The following BRD8 variants were observed in gnomAD, a reference collection of about 807,000 sequenced individuals.
BRD8 encodes the protein bromodomain-containing protein 8.
A neutral mutation model predicts 143.1 loss-of-function variants in BRD8; 67 were observed. That is an observed-to-expected ratio of 0.47 (90% CI 0.38 to 0.57). BRD8 has a LOEUF of 0.57. Among genes scored for constraint, BRD8 ranks in the 20% least tolerant of loss-of-function variants. The probability of loss-of-function intolerance (pLI) is 0.00; values close to 1 mark genes in which losing one functional copy is unlikely to be tolerated. For synonymous variants in BRD8, 505 were observed against 517.1 expected, an observed-to-expected ratio of 0.98 and a Z score of 0.32; for missense variants, 1,103 against 1,503.0, an observed-to-expected ratio of 0.73 and a Z score of 4.40.
At chr5:138,160,845 T>A (rs552585757) in intron 18 of BRD8, 46 bp downstream of exon 18, 1 of 1,507,626 alleles carries the variant, frequency 6.6e-7, no homozygotes, top group African/African-American at 1.4e-5. Flanking sequence ...CCCCTTGAAG[T>A]ATTTTAATTT....
intron 25 of BRD8, among the ~76,000 whole-genome samples, chr5:138,141,638 T>C (rs1293524530): frequency 6.6e-6 from 1 of 152,206 alleles, no homozygotes; most frequent in East Asian, 1.9e-4. Flanking sequence ...ACACAGTAGT[T>C]ATTTGCTGTT....
At chr5:138,148,667 C>A (rs1340150286) in intron 23 of BRD8, among the ~76,000 whole-genome samples, 2 of 152,064 alleles carry the variant, frequency 1.3e-5, no homozygotes, top group African/African-American at 2.4e-5. Context: ...CTGCGCCTGG[C>A]CTAATTTTTT....
rs372878261 is a variant in BRD8, at chr5:138,177,524, C to T, written c.116+47G>A. 4 of 1,114,300 alleles carry T rather than the reference C, an allele frequency of 3.6e-6. No individual in the cohort carries two copies. In the African/African-American group the frequency reaches 4.6e-5, roughly 13 times the overall value. The allele number at this position is 1,114,300 out of a possible 1,614,324, so 69.0% of individuals were successfully genotyped here. A position where few individuals can be genotyped will look rare whatever the true frequency, so the allele number is the denominator to read the frequency against. On this transcript the variant is annotated intron_variant, in intron 2 of 26. Transcript: ENST00000254900. Reference sequence around the variant, plus strand: ...GAAATCTACCGATGTGAAAGAGTATCTAACAATTTCTAAGACCCAGAAAAG... The same window carrying T: ...GAAATCTACCGATGTGAAAGAGTATTTAACAATTTCTAAGACCCAGAAAAG...
At position 138,159,540 on chromosome 5, in the gene BRD8, C is replaced by T. The variant is rs1752844176; in HGVS notation, c.2577+15G>A. 1 of 1,613,836 alleles carries T rather than the reference C, an allele frequency of 6.2e-7. No individual in the cohort carries two copies. Among genetic ancestry groups the T allele is most frequent in the Non-Finnish European group, 8.5e-7 (1 of 1,179,752 alleles). ...TTTGTGGCAACACCACCCCTTGCAG[C>T]CATTCAATACTTACAAAGAGAGAGA... On this transcript the variant is annotated intron_variant, in intron 20 of 26. Coordinates refer to ENST00000254900, the MANE Select transcript of BRD8 (RefSeq NM_139199.2).
chr5:138,147,937 CA>C (rs557089538), intron 23 of BRD8, among the ~76,000 whole-genome samples: 3,722 of 140,394 alleles, frequency 0.027, 110 homozygotes, highest in African/African-American at 0.081. Flanking sequence ...GATCCTATCT[CA>C]AAAAAAAAAA....
chr5:138,164,133 T>G lies in BRD8; in HGVS notation c.1826A>C (p.Asp609Ala), dbSNP rs1430592050. 1 of 1,614,036 alleles carries G rather than the reference T, an allele frequency of 6.2e-7. No individual in the cohort carries two copies. The highest frequency in any genetic ancestry group is 8.5e-7 in the Non-Finnish European group (1 of 1,179,958). Residue 609 changes from aspartate (D) to alanine (A), a missense_variant and splice_region_variant, in exon 14 of 27, where the codon GAC becomes GCC. This residue lies in a region of BRD8 where 75 missense variants were observed against 111.7 expected (regional missense o/e 0.67). Coordinates refer to ENST00000254900, the MANE Select transcript of BRD8 (RefSeq NM_139199.2). Reference sequence around the variant, plus strand: ...AGTCCCTGATTCTTCTTTCAATGAGTCTGCAGAGGAGAGAAAGACTACCTG... The same window carrying G: ...AGTCCCTGATTCTTCTTTCAATGAGGCTGCAGAGGAGAGAAAGACTACCTG... Reference protein sequence around the residue: ...AETQHKFEMSDSLKEESGTIF... With the variant: ...AETQHKFEMSASLKEESGTIF...
intron 20 of BRD8, among the ~76,000 whole-genome samples, chr5:138,153,865 G>C (rs1051403126): frequency 6.6e-6 from 1 of 151,626 alleles, no homozygotes; most frequent in South Asian, 2.1e-4. Context: ...TTATAGAGAC[G>C]GGGTTTCACC....
rs941544177 is a variant in BRD8 at position 138,152,526 on chromosome 5, C to A, written c.2812G>T (p.Ala938Ser). The A allele has an allele frequency of 1.9e-6, 3 of 1,614,196 alleles. No individual in the cohort carries two copies. Among genetic ancestry groups the A allele is most frequent in the Non-Finnish European group, 2.5e-6 (3 of 1,180,030 alleles). The change falls in exon 21 of 27, where the codon GCA becomes TCA. Residue 938 changes from alanine (A) to serine (S), a missense_variant. This residue lies in a region of BRD8 where 369 missense variants were observed against 445.5 expected (regional missense o/e 0.83). Coordinates refer to ENST00000254900, the MANE Select transcript of BRD8 (RefSeq NM_139199.2). ...DGGSEESQEA[A>S]RKASHQNLLH... ...AGGTTCTGGTGGCTGGCTTTCCTTG[C>A]CGCTTCCTGAGATTCCTCACTGCCT...
Position 138,164,424 on chromosome 5 carries a change from G to GAAAAGAAAA in BRD8, c.1732-20_1732-12dup. 1.2e-6 allele frequency: 2 copies of GAAAAGAAAA among 1,610,704 alleles called. No homozygotes were observed. The highest frequency in any genetic ancestry group is 1.7e-6 in the Non-Finnish European group (2 of 1,178,206). Reference sequence around the variant, plus strand: ...GCTTTCAGGGGATGCCTGAAAACCAGAAAAGAAAAAACACCCTAAGTACTG... The same window carrying GAAAAGAAAA: ...GCTTTCAGGGGATGCCTGAAAACCAGAAAAGAAAAAAAAGAAAAAACACCCTAAGTACTG... On this transcript the variant is annotated splice_polypyrimidine_tract_variant and intron_variant, in intron 12 of 26. Coordinates refer to ENST00000254900, the MANE Select transcript of BRD8 (RefSeq NM_139199.2).
chr5:138,161,517 T>C (rs1034660201), intron 17 of BRD8, among the ~76,000 whole-genome samples: 13 of 152,186 alleles, frequency 8.5e-5, no homozygotes, highest in African/African-American at 3.1e-4. Flanking sequence ...GGTTTCGCCA[T>C]GTTGCCCAGG....
intron 20 of BRD8, among the ~76,000 whole-genome samples, chr5:138,155,817 G>C (rs1047067697): frequency 6.6e-6 from 1 of 151,922 alleles, no homozygotes; most frequent in African/African-American, 2.4e-5. Flanking sequence ...GTGAGCCACC[G>C]TGTCTGGCCA....
rs781031272 is a variant in BRD8 at position 138,164,341 on chromosome 5, G to A, written c.1804C>T (p.Gln602Ter). ...PIEDPLEAETQHKFEMSDSLK... is the reference protein window; with the variant it reads ...PIEDPLEAET ...TTACCTGACATTTCAAACTTGTGCTGAGTCTCTGCCTCTAAAGGATCTTCA... is the reference window on the plus strand; with the variant it reads ...TTACCTGACATTTCAAACTTGTGCTAAGTCTCTGCCTCTAAAGGATCTTCA... The change falls in exon 13 of 27, where the codon CAG becomes TAG. Residue 602 changes from glutamine (Q) to a stop codon, truncating the protein, a stop_gained. Transcript: ENST00000254900. LOFTEE classifies it high-confidence loss of function. 6.2e-7 allele frequency: 1 copy of A among 1,613,996 alleles called. No homozygotes were observed. The highest frequency in any genetic ancestry group is 8.5e-7 in the Non-Finnish European group (1 of 1,179,924).
chr5:138,145,788 C>A lies in BRD8; in HGVS notation c.3368+1G>T, dbSNP rs1178980626. 1 of 1,613,374 alleles carries A rather than the reference C, an allele frequency of 6.2e-7. No individual in the cohort carries two copies. The highest frequency in any genetic ancestry group is 2.2e-5 in the East Asian group (1 of 44,868). Reference sequence around the variant, plus strand: ...ATCCTATTACCACTTTGGAGACCTACCTGTGACTGGCAATCATCTTCCAGA... The same window carrying A: ...ATCCTATTACCACTTTGGAGACCTAACTGTGACTGGCAATCATCTTCCAGA... On this transcript the variant is annotated splice_donor_variant, in intron 24 of 26. Coordinates refer to ENST00000254900, the MANE Select transcript of BRD8 (RefSeq NM_139199.2). LOFTEE classifies it high-confidence loss of function.
intron 15 of BRD8, 79 bp downstream of exon 15, chr5:138,163,051 A>AGGAGAAAGAC (rs1554097194): frequency 9.0e-7 from 1 of 1,116,750 alleles, no homozygotes; most frequent in African/African-American, 1.6e-5. Context: ...GAGAAAAGAC[A>AGGAGAAAGAC]GGAAGGAAGG....
chr5:138,158,611 T>TC (rs1752769297), intron 20 of BRD8, among the ~76,000 whole-genome samples: 1 of 151,594 alleles, frequency 6.6e-6, no homozygotes, highest in East Asian at 1.9e-4. Flanking sequence ...GCTAATTTTT[T>TC]TTTTTTTTTT....
intron 8 of BRD8, 109 bp downstream of exon 8, chr5:138,169,113 G>A (rs973310459): frequency 1.5e-5 from 18 of 1,204,426 alleles, no homozygotes; most frequent in Non-Finnish European, 1.8e-5. Context: ...TTAGCATTCA[G>A]ATCAAGAGAG....
intron 23 of BRD8, among the ~76,000 whole-genome samples, chr5:138,149,226 C>T (rs1266095610): frequency 2.6e-5 from 4 of 152,002 alleles, no homozygotes; most frequent in Non-Finnish European, 5.9e-5. Context: ...ATCCTCCCAC[C>T]TCAGCTTCCG....
intron 23 of BRD8, among the ~76,000 whole-genome samples, chr5:138,146,684 T>C (rs990274858): frequency 8.1e-4 from 123 of 152,214 alleles, no homozygotes; most frequent in African/African-American, 2.8e-3. Context: ...ATGTCTCAGA[T>C]TGGGCCCGGT....
Position 138,164,884 on chromosome 5 carries a change from C to G in BRD8, c.1561G>C (p.Gly521Arg), listed in dbSNP as rs1226378422. The change falls in exon 12 of 27, where the codon GGA (glycine) becomes CGA (arginine). Residue 521 changes from glycine to arginine, a missense_variant. Gly to Arg is a moderately radical substitution (Grantham distance 125). Coordinates refer to ENST00000254900, the MANE Select transcript of BRD8 (RefSeq NM_139199.2). ...EPAEPEPVIS[G>R]AEIVAGVVPA... Reference sequence around the variant, plus strand: ...ACAACTCCAGCTACTATTTCGGCTCCTGAAATGACTGGCTCTGGTTCTGCA... The same window carrying G: ...ACAACTCCAGCTACTATTTCGGCTCGTGAAATGACTGGCTCTGGTTCTGCA... The G allele has an allele frequency of 1.2e-6, 2 of 1,614,110 alleles. No individual in the cohort carries two copies. The highest frequency in any genetic ancestry group is 1.7e-6 in the Non-Finnish European group (2 of 1,180,056).
Sources: allele counts gnomAD v4.1 joint callset (sites outside exome capture counted in the v4.1 genomes callset), GRCh38; gene constraint gnomAD v4.1.1; regional missense constraint gnomAD v4.1.1; transcripts MANE v1.5; gene names NCBI Gene and HGNC (gene_info 2026-07-23, HGNC 2026-07-21).